Variants in NAE1 observed in about 807,000 individuals in gnomAD.
The protein encoded by NAE1 is NEDD8 activating enzyme E1 subunit 1.
In NAE1, 59 loss-of-function variants were observed where a neutral mutation model predicts 88.0. The ratio of observed to expected loss-of-function variants is 0.67; its 90% CI spans 0.54 to 0.83. NAE1 has a LOEUF of 0.83. Ranked by LOEUF, NAE1 falls within the 40% of genes least tolerant of loss-of-function variation. NAE1 has a pLI of 0.00. For synonymous variants in NAE1, 186 were observed against 208.9 expected, an observed-to-expected ratio of 0.89 and a Z score of 0.95; for missense variants, 554 against 632.8, an observed-to-expected ratio of 0.88 and a Z score of 1.34.
At chr16:66,824,656 G>A (rs1960393621) in intron 4 of NAE1, 199 bp downstream of exon 4, 3 of 440,790 alleles carry the variant, frequency 6.8e-6, no homozygotes, top group Admixed American at 8.2e-5. Context: ...TTTAATACAG[G>A]ATGCAATGTA....
intron 17 of NAE1, among the ~76,000 whole-genome samples, chr16:66,807,957 T>G (rs74843986): frequency 0.016 from 2,387 of 152,092 alleles, 56 homozygotes; most frequent in South Asian, 0.094. Context: ...AGGCTGGAGT[T>G]TAGTGGCACA....
intron 3 of NAE1, 131 bp downstream of exon 3, chr16:66,826,392 C>T (rs1341520656): frequency 2.0e-5 from 16 of 818,698 alleles, no homozygotes; most frequent in Non-Finnish European, 3.1e-5. Context: ...TATTATCTCA[C>T]TTCCTCACCA....
At chr16:66,816,062 T>C (rs1467061658) in intron 11 of NAE1, among the ~76,000 whole-genome samples, 1 of 152,200 alleles carries the variant, frequency 6.6e-6, no homozygotes, top group Non-Finnish European at 1.5e-5. Context: ...AAAGGCAGCA[T>C]ATTTGCTGTT....
chr16:66,818,043 G>A (rs1472008941), intron 8 of NAE1, among the ~76,000 whole-genome samples: 1 of 152,038 alleles, frequency 6.6e-6, no homozygotes, highest in African/African-American at 2.4e-5. Context: ...TGTGAAATAA[G>A]CACATCATGG....
chr16:66,818,493 C>G, intron 8 of NAE1, 35 bp downstream of exon 8: 1 of 1,524,830 alleles, frequency 6.6e-7, no homozygotes, highest in Non-Finnish European at 8.9e-7. Flanking sequence ...TGTTTTAAGT[C>G]TATCTGTAAA....
At chr16:66,811,679 G>A (rs1045176374) in intron 13 of NAE1, among the ~76,000 whole-genome samples, 5 of 152,148 alleles carry the variant, frequency 3.3e-5, no homozygotes, top group African/African-American at 4.8e-5. Flanking sequence ...TGGGAATACA[G>A]GTGTGAGCCA....
intron 8 of NAE1, 24 bp downstream of exon 8, chr16:66,818,504 T>C (rs775097126): frequency 1.9e-6 from 3 of 1,566,612 alleles, no homozygotes; most frequent in Non-Finnish European, 1.7e-6. Flanking sequence ...TATCTGTAAA[T>C]GTAAGGTCAC....
At chr16:66,813,376 A>G in intron 13 of NAE1, 188 bp downstream of exon 13, 1 of 626,182 alleles carries the variant, frequency 1.6e-6, no homozygotes, top group African/African-American at 1.8e-5. Context: ...CCTGGACTCA[A>G]GCAATTCTCC....
chr16:66,826,849 T>G, intron 1 of NAE1, 69 bp from the exon 2 acceptor site: 1 of 1,448,290 alleles, frequency 6.9e-7, no homozygotes, highest in Non-Finnish European at 9.4e-7. Context: ...ATTTGAATGG[T>G]GATCTTTAAA....
intron 11 of NAE1, among the ~76,000 whole-genome samples, chr16:66,814,840 T>C (rs1374839450): frequency 6.6e-6 from 1 of 152,192 alleles, no homozygotes; most frequent in African/African-American, 2.4e-5. Flanking sequence ...TGGCCCTTTC[T>C]GCCTCTCCAA....
intron 1 of NAE1, chr16:66,828,133 TA>T: frequency 7.7e-7 from 1 of 1,301,392 alleles, no homozygotes. Flanking sequence ...GTATGGCACG[TA>T]GAAGACACCT....
At chr16:66,826,359 A>G (rs1001424026) in intron 3 of NAE1, 164 bp downstream of exon 3, 2 of 627,842 alleles carry the variant, frequency 3.2e-6, no homozygotes, top group African/African-American at 3.7e-5. Context: ...TATTTGCCAG[A>G]TGCTGTACTA....
intron 1 of NAE1, among the ~76,000 whole-genome samples, chr16:66,828,319 C>A (rs762248113): frequency 6.6e-6 from 1 of 151,556 alleles, no homozygotes; most frequent in Admixed American, 6.6e-5. Flanking sequence ...AGTGAAACCC[C>A]GTCTCTACTA....
At chr16:66,808,406 T>C in intron 17 of NAE1, 115 bp downstream of exon 17, 2 of 750,300 alleles carry the variant, frequency 2.7e-6, no homozygotes, top group South Asian at 2.0e-5. Context: ...TGGGGTGTAA[T>C]CTGTTTACAA....
intron 11 of NAE1, 111 bp downstream of exon 11, chr16:66,816,469 TA>T: frequency 1.2e-6 from 1 of 858,782 alleles, no homozygotes; most frequent in South Asian, 1.5e-5. Flanking sequence ...TATTTATTTC[TA>T]ACTATACATT....
intron 19 of NAE1, among the ~76,000 whole-genome samples, chr16:66,803,656 T>C (rs577493530): frequency 5.9e-5 from 9 of 151,914 alleles, no homozygotes; most frequent in Non-Finnish European, 1.2e-4. Flanking sequence ...AGTGGCGTGA[T>C]CTCGGCTCAC....
At chr16:66,820,410 G>A (rs944645703) in intron 7 of NAE1, among the ~76,000 whole-genome samples, 2 of 152,190 alleles carry the variant, frequency 1.3e-5, no homozygotes, top group Non-Finnish European at 2.9e-5. Flanking sequence ...TGTCTTTGTT[G>A]TGTGAAATTG....
At chr16:66,815,677 T>C (rs1317746281) in intron 11 of NAE1, among the ~76,000 whole-genome samples, 1 of 151,574 alleles carries the variant, frequency 6.6e-6, no homozygotes, top group East Asian at 1.9e-4. Context: ...TTTTTTTTTT[T>C]TGAGACAGAG....
rs757421692 is a variant in NAE1 at position 66,826,589 on chromosome 16, A to G, written c.158-6T>C. On this transcript the variant is annotated splice_region_variant and splice_polypyrimidine_tract_variant and intron_variant, in intron 2 of 19. Coordinates refer to ENST00000290810, the MANE Select transcript of NAE1 (RefSeq NM_003905.4). Reference sequence around the variant, plus strand: ...AATTGTAAACGAACCAATACCTGAGAGCCAAAACAGAGTCAGTCAGGAATA... The same window carrying G: ...AATTGTAAACGAACCAATACCTGAGGGCCAAAACAGAGTCAGTCAGGAATA... 5 of 1,614,186 alleles carry G rather than the reference A, an allele frequency of 3.1e-6. No individual in the cohort carries two copies. Among genetic ancestry groups the G allele is most frequent in the Non-Finnish European group, 4.2e-6 (5 of 1,180,008 alleles).
Sources: allele counts gnomAD v4.1 joint callset (sites outside exome capture counted in the v4.1 genomes callset), GRCh38; gene constraint gnomAD v4.1.1; transcripts MANE v1.5; gene names NCBI Gene and HGNC (gene_info 2026-07-23, HGNC 2026-07-21).